Variants in SRGAP1 observed in about 807,000 individuals in gnomAD.
SRGAP1 encodes SLIT-ROBO Rho GTPase-activating protein 1.
A neutral mutation model predicts 121.9 loss-of-function variants in SRGAP1; 43 were observed. The ratio of observed to expected loss-of-function variants is 0.35; its 90% CI spans 0.28 to 0.46. SRGAP1 has a LOEUF of 0.46. Among genes scored for constraint, SRGAP1 ranks in the 20% least tolerant of loss-of-function variants. The probability of loss-of-function intolerance (pLI) is 1.00; values close to 1 mark genes in which losing one functional copy is unlikely to be tolerated. For missense variants in SRGAP1, 1,102 were observed against 1,350.9 expected (o/e 0.82, Z 2.89); for synonymous variants, 447 against 485.4 (o/e 0.92, Z 1.04).
intron 21 of SRGAP1, among the ~76,000 whole-genome samples, chr12:64,133,894 G>A (rs1260819355): frequency 2.0e-5 from 3 of 152,024 alleles, no homozygotes; most frequent in African/African-American, 4.8e-5. Context: ...AGTTCTACAC[G>A]AGTCAGACTA....
chr12:64,043,228 G>A (rs11175239), intron 5 of SRGAP1, among the ~76,000 whole-genome samples: 35,944 of 152,132 alleles, frequency 0.24, 4,553 homozygotes, highest in Non-Finnish European at 0.28. Context: ...TTGCAAATGG[G>A]CCTGAAGCCC....
intron 19 of SRGAP1, 81 bp downstream of exon 19, chr12:64,126,238 T>A: frequency 1.3e-6 from 2 of 1,491,524 alleles, no homozygotes; most frequent in Non-Finnish European, 1.8e-6. Flanking sequence ...CTTGGTCTTG[T>A]GAGAAAGGAG....
intron 4 of SRGAP1, among the ~76,000 whole-genome samples, chr12:64,017,255 A>G (rs1159059580): frequency 2.0e-5 from 3 of 152,242 alleles, no homozygotes; most frequent in Non-Finnish European, 4.4e-5. Flanking sequence ...ACACATGTAT[A>G]TACACAATTA....
intron 8 of SRGAP1, among the ~76,000 whole-genome samples, chr12:64,072,916 C>G (rs539141943): frequency 1.3e-5 from 2 of 152,322 alleles, no homozygotes; most frequent in East Asian, 3.9e-4. Context: ...TTTTGACCCA[C>G]AGCTCAGAGT....
At chr12:64,085,475 A>G (rs112544648) in intron 10 of SRGAP1, among the ~76,000 whole-genome samples, 2,292 of 152,196 alleles carry the variant, frequency 0.015, 55 homozygotes, top group African/African-American at 0.052. Context: ...GGGTGATCTT[A>G]CGTGGCTCGT....
chr12:64,080,222 GACAAGA>G (rs943634918), intron 9 of SRGAP1, 58 bp from the exon 10 acceptor site: 25 of 1,398,114 alleles, frequency 1.8e-5, no homozygotes, highest in African/African-American at 2.9e-5. Context: ...CAGCCTGGGT[GACAAGA>G]ATGAAACTCT....
At chr12:64,040,380 C>T (rs2136501758) in intron 4 of SRGAP1, among the ~76,000 whole-genome samples, 1 of 152,154 alleles carries the variant, frequency 6.6e-6, no homozygotes, top group East Asian at 1.9e-4. Flanking sequence ...GTGGTTATTT[C>T]CATATGAAAT....
intron 7 of SRGAP1, 124 bp from the exon 8 acceptor site, chr12:64,064,994 G>T: frequency 1.5e-6 from 1 of 647,582 alleles, no homozygotes; most frequent in Non-Finnish European, 2.6e-6. Flanking sequence ...CCTATTAAAA[G>T]TAAATATGTA....
chr12:63,915,792 G>C (rs1033239399), intron 1 of SRGAP1, among the ~76,000 whole-genome samples: 1 of 152,138 alleles, frequency 6.6e-6, no homozygotes, highest in African/African-American at 2.4e-5. Context: ...GATTTGCCCT[G>C]AAGAGAAAAA....
chr12:63,890,197 G>A (rs555243613), intron 1 of SRGAP1, among the ~76,000 whole-genome samples: 11 of 152,254 alleles, frequency 7.2e-5, no homozygotes, highest in African/African-American at 2.4e-4. Flanking sequence ...TCAACCCCAA[G>A]AAGTTAGTGC....
chr12:63,954,000 C>T (rs1268455230), intron 1 of SRGAP1, among the ~76,000 whole-genome samples: 1 of 152,200 alleles, frequency 6.6e-6, no homozygotes, highest in Admixed American at 6.5e-5. Context: ...TAGGACATTT[C>T]ACTAATTCTC....
At chr12:64,093,325 A>G (rs957828062) in intron 12 of SRGAP1, among the ~76,000 whole-genome samples, 1 of 152,188 alleles carries the variant, frequency 6.6e-6, no homozygotes, top group African/African-American at 2.4e-5. Flanking sequence ...AATACTGATC[A>G]TAGCTTTTTT....
Position 64,142,349 on chromosome 12 carries a change from CAG to C in SRGAP1, c.2938_2939del (p.Ser980HisfsTer7), listed in dbSNP as rs2036978513. Reference sequence around the variant, plus strand: ...GAATGAACTCCGAGAACTGGAGAGACAGAGCACAGCAAAGCATGCCCCTGATG... The same window carrying C: ...GAATGAACTCCGAGAACTGGAGAGACAGCACAGCAAAGCATGCCCCTGATG... Reference protein sequence around the residue: ...ALNELRELERQSTAKHAPDVV... With the variant: ...ALNELRELERXSTAKHAPDVV... On this transcript the variant is annotated frameshift_variant, in exon 22 of 22. Transcript: ENST00000355086. 1.2e-6 allele frequency: 2 copies of C among 1,613,950 alleles called. No individual in the cohort carries two copies. Among genetic ancestry groups the C allele is most frequent in the South Asian group, 1.1e-5 (1 of 91,064 alleles).
intron 1 of SRGAP1, among the ~76,000 whole-genome samples, chr12:63,911,181 C>A (rs113134892): frequency 0.02 from 3,022 of 151,620 alleles, 109 homozygotes; most frequent in African/African-American, 0.068. Flanking sequence ...CACGTGTAGT[C>A]CCAGCTACTC....
At chr12:63,957,754 T>A (rs2032517068) in intron 1 of SRGAP1, among the ~76,000 whole-genome samples, 1 of 152,162 alleles carries the variant, frequency 6.6e-6, no homozygotes, top group African/African-American at 2.4e-5. Context: ...TGGTTACTTG[T>A]CTATTGCTTT....
At chr12:63,855,342 C>T (rs1399288516) in intron 1 of SRGAP1, among the ~76,000 whole-genome samples, 3 of 152,076 alleles carry the variant, frequency 2.0e-5, no homozygotes, top group Non-Finnish European at 4.4e-5. Flanking sequence ...AGTTACATGG[C>T]CACATCTTGC....
At chr12:63,900,204 C>CTTTTTTTTCTTTTT (rs755464707) in intron 1 of SRGAP1, among the ~76,000 whole-genome samples, 7 of 87,522 alleles carry the variant, frequency 8.0e-5, no homozygotes, top group Admixed American at 1.3e-4. Flanking sequence ...TTTTCTTTTT[C>CTTTTTTTTCTTTTT]TTTTTTTTTT....
At chr12:63,890,890 C>CT (rs1900556662) in intron 1 of SRGAP1, among the ~76,000 whole-genome samples, 2 of 152,196 alleles carry the variant, frequency 1.3e-5, no homozygotes, top group African/African-American at 4.8e-5. Context: ...TCCTTCAAAA[C>CT]TTTATGTTTC....
chr12:63,894,238 T>C (rs984818537), intron 1 of SRGAP1, among the ~76,000 whole-genome samples: 17 of 152,162 alleles, frequency 1.1e-4, no homozygotes, highest in African/African-American at 3.9e-4. Context: ...CTGTACAGAT[T>C]TTTAATGACA....
Sources: allele counts gnomAD v4.1 joint callset (sites outside exome capture counted in the v4.1 genomes callset), GRCh38; gene constraint gnomAD v4.1.1; transcripts MANE v1.5; gene names NCBI Gene and HGNC (gene_info 2026-07-23, HGNC 2026-07-21).